The following ATP8A2 variants were observed in gnomAD, a reference collection of about 807,000 sequenced individuals.
The protein encoded by ATP8A2 is phospholipid-transporting ATPase IB.
A neutral mutation model predicts 165.6 loss-of-function variants in ATP8A2; 100 were observed. The observed-to-expected ratio is 0.60, with a 90% confidence interval of 0.51 to 0.71. The LOEUF is 0.71. Ranked by LOEUF, ATP8A2 falls within the 30% of genes least tolerant of loss-of-function variation. The pLI, the probability that ATP8A2 is intolerant of heterozygous loss-of-function variation, is 0.00. For missense variants in ATP8A2, 1,227 were observed against 1,479.5 expected (o/e 0.83, Z 2.80); for synonymous variants, 543 against 548.8 (o/e 0.99, Z 0.15).
chr13:25,829,670 A>ATATATATATG, intron 28 of ATP8A2, among the ~76,000 whole-genome samples: 1 of 6,926 alleles, frequency 1.4e-4, no homozygotes, highest in African/African-American at 4.9e-4. Context: ...CAGGTGTGGT[A>ATATATATATG]TATATATATA....
chr13:25,456,439 C>T (rs945556084), intron 1 of ATP8A2, among the ~76,000 whole-genome samples: 21 of 152,172 alleles, frequency 1.4e-4, no homozygotes, highest in Non-Finnish European at 2.6e-4. Context: ...CACATGGTTA[C>T]GTTGGTCATG....
At chr13:25,783,619 T>C (rs371458411) in intron 27 of ATP8A2, among the ~76,000 whole-genome samples, 189 of 152,228 alleles carry the variant, frequency 1.2e-3, no homozygotes, top group African/African-American at 4.3e-3. Flanking sequence ...GGTAAGGGCC[T>C]CAGGATCCCA....
At chr13:25,548,286 A>C (rs1285387682) in intron 10 of ATP8A2, among the ~76,000 whole-genome samples, 1 of 152,134 alleles carries the variant, frequency 6.6e-6, no homozygotes, top group East Asian at 1.9e-4. Flanking sequence ...GCAAGTAAAA[A>C]TGTTCAGGGG....
At chr13:25,592,928 A>G (rs2040129959) in intron 24 of ATP8A2, among the ~76,000 whole-genome samples, 1 of 152,102 alleles carries the variant, frequency 6.6e-6, no homozygotes, top group Admixed American at 6.5e-5. Flanking sequence ...TAATGACTGT[A>G]ATTTATTCAG....
At chr13:25,524,548 G>A (rs2037774390) in intron 2 of ATP8A2, among the ~76,000 whole-genome samples, 1 of 152,090 alleles carries the variant, frequency 6.6e-6, no homozygotes, top group South Asian at 2.1e-4. Flanking sequence ...CTCTGGTGTT[G>A]AGTGCATAGA....
intron 24 of ATP8A2, among the ~76,000 whole-genome samples, chr13:25,647,603 CCT>C (rs778609108): frequency 1.3e-5 from 2 of 152,014 alleles, no homozygotes; most frequent in African/African-American, 2.4e-5. Context: ...TGATTAGAAA[CCT>C]CTCTGTTTCC....
At chr13:25,754,652 A>T (rs1272658749) in intron 25 of ATP8A2, among the ~76,000 whole-genome samples, 1 of 152,150 alleles carries the variant, frequency 6.6e-6, no homozygotes, top group African/African-American at 2.4e-5. Context: ...ATTTTAAAAA[A>T]TTGTTCTAGT....
intron 33 of ATP8A2, among the ~76,000 whole-genome samples, chr13:25,914,786 C>G (rs993637132): frequency 6.6e-6 from 1 of 152,250 alleles, no homozygotes; most frequent in African/African-American, 2.4e-5. Context: ...AGTGCTCCCC[C>G]ATGGGGCTTC....
rs191449152 is a variant in ATP8A2 at position 25,894,016 on chromosome 13, G to T, written c.3183+31608G>T. ...CACTCTGATGGTGGTTTCTTTTGCTGTGCAGAAGCTCTTTAGTTTAATTAG... is the reference window on the plus strand; with the variant it reads ...CACTCTGATGGTGGTTTCTTTTGCTTTGCAGAAGCTCTTTAGTTTAATTAG... On this transcript the variant is annotated intron_variant, in intron 33 of 36. Coordinates refer to ENST00000381655, the MANE Select transcript of ATP8A2 (RefSeq NM_016529.6). 9.4e-3 allele frequency among the ~76,000 whole-genome samples: 1,439 copies of T among 152,294 alleles called. 21 individuals are homozygous for T. Among genetic ancestry groups the T allele is most frequent in the African/African-American group, 0.033 (1,386 of 41,546 alleles).
At chr13:25,531,433 TTATATATA>T (rs375462301) in intron 4 of ATP8A2, among the ~76,000 whole-genome samples, 151 of 33,964 alleles carry the variant, frequency 4.4e-3, no homozygotes, top group Middle Eastern at 0.013. Context: ...ATATATATGA[TTATATATA>T]TGATTATATA....
At chr13:25,989,039 T>C (rs926087370) in intron 35 of ATP8A2, among the ~76,000 whole-genome samples, 5 of 152,252 alleles carry the variant, frequency 3.3e-5, no homozygotes, top group African/African-American at 1.2e-4. Flanking sequence ...GGTCAGCCTG[T>C]GCCAAGCACC....
At chr13:25,759,417 T>G (rs1000873588) in intron 25 of ATP8A2, among the ~76,000 whole-genome samples, 59 of 152,270 alleles carry the variant, frequency 3.9e-4, no homozygotes, top group Admixed American at 2.9e-3. Flanking sequence ...CTCAAACACT[T>G]CTCAGCTTTC....
chr13:25,811,668 T>C (rs1177432433), intron 27 of ATP8A2, among the ~76,000 whole-genome samples: 1 of 152,122 alleles, frequency 6.6e-6, no homozygotes, highest in African/African-American at 2.4e-5. Context: ...CCTAGGAACA[T>C]GATGCAACTC....
chr13:25,705,100 A>C (rs918841486), intron 25 of ATP8A2: 2 of 377,510 alleles, frequency 5.3e-6, no homozygotes, highest in African/African-American at 4.3e-5. Context: ...CATTTTCAAT[A>C]TGTTCAAGAA....
At chr13:25,566,203 T>C (rs542272399) in intron 16 of ATP8A2, among the ~76,000 whole-genome samples, 1 of 152,114 alleles carries the variant, frequency 6.6e-6, no homozygotes, top group African/African-American at 2.4e-5. Flanking sequence ...CAGTTCTTGG[T>C]GATGCTGATG....
At chr13:25,606,311 C>A (rs2138404044) in intron 24 of ATP8A2, among the ~76,000 whole-genome samples, 1 of 152,262 alleles carries the variant, frequency 6.6e-6, no homozygotes, top group South Asian at 2.1e-4. Context: ...CTGTTGCTGA[C>A]ACTGCTTCTG....
At chr13:25,847,542 G>T (rs750213117) in intron 30 of ATP8A2, among the ~76,000 whole-genome samples, 1 of 152,142 alleles carries the variant, frequency 6.6e-6, no homozygotes, top group Non-Finnish European at 1.5e-5. Flanking sequence ...GTGTAATGTT[G>T]TAAGAAGTGT....
chr13:26,017,903 A>G (rs1178281510), intron 36 of ATP8A2, among the ~76,000 whole-genome samples: 5 of 152,208 alleles, frequency 3.3e-5, no homozygotes, highest in Non-Finnish European at 5.9e-5. Flanking sequence ...TGTGGCTACC[A>G]TGTGGTGGGA....
At chr13:25,450,647 T>G (rs1347322319) in intron 1 of ATP8A2, among the ~76,000 whole-genome samples, 3 of 152,090 alleles carry the variant, frequency 2.0e-5, no homozygotes, top group Non-Finnish European at 4.4e-5. Flanking sequence ...TTCTCCTGCT[T>G]CAGCCTCCCG....
Sources: gnomAD v4.1 joint callset for allele counts (sites outside exome capture counted in the v4.1 genomes callset) on GRCh38, gnomAD v4.1.1 for gene constraint, MANE v1.5 for transcripts, NCBI Gene and HGNC (gene_info 2026-07-23, HGNC 2026-07-21) for gene names.